Variants in DIAPH3 observed in about 807,000 individuals in gnomAD.
DIAPH3 encodes protein diaphanous homolog 3.
A neutral mutation model predicts 144.3 loss-of-function variants in DIAPH3; 117 were observed. The observed-to-expected ratio is 0.81, with a 90% CI of 0.70 to 0.95. The LOEUF is 0.95. Among genes scored for constraint, DIAPH3 ranks in the 40% least tolerant of loss-of-function variants. The pLI is 0.00. For missense variants in DIAPH3, 1,421 were observed against 1,412.7 expected, an observed-to-expected ratio of 1.01 and a Z score of -0.09; for synonymous variants, 519 against 488.9, an observed-to-expected ratio of 1.06 and a Z score of -0.81.
intron 20 of DIAPH3, among the ~76,000 whole-genome samples, chr13:59,889,751 A>G (rs920529342): frequency 1.3e-5 from 2 of 152,008 alleles, no homozygotes; most frequent in African/African-American, 4.8e-5. Flanking sequence ...TTCTTATTTG[A>G]GCAGTCAAAT....
chr13:60,110,637 T>C (rs1352427786), intron 3 of DIAPH3, among the ~76,000 whole-genome samples: 1 of 152,108 alleles, frequency 6.6e-6, no homozygotes, highest in African/African-American at 2.4e-5. Flanking sequence ...AAAAAGGGCT[T>C]AGTTGTAATT....
intron 25 of DIAPH3, among the ~76,000 whole-genome samples, chr13:59,776,056 T>A (rs1593820075): frequency 6.6e-6 from 1 of 152,244 alleles, no homozygotes; most frequent in African/African-American, 2.4e-5. Flanking sequence ...TGAAATTGTA[T>A]GGCTGGTATA....
intron 27 of DIAPH3, among the ~76,000 whole-genome samples, chr13:59,703,538 C>T (rs762009557): frequency 2.6e-5 from 4 of 152,098 alleles, no homozygotes; most frequent in Non-Finnish European, 5.9e-5. Context: ...GCTATTTTAT[C>T]CAGCACTAAA....
intron 4 of DIAPH3, among the ~76,000 whole-genome samples, chr13:60,043,505 C>G (rs960837063): frequency 2.0e-5 from 3 of 152,126 alleles, no homozygotes; most frequent in Non-Finnish European, 2.9e-5. Context: ...ACATAACACA[C>G]ACGTACACAT....
At chr13:59,966,261 C>T (rs1299649724) in intron 17 of DIAPH3, among the ~76,000 whole-genome samples, 2 of 151,002 alleles carry the variant, frequency 1.3e-5, no homozygotes, top group Non-Finnish European at 1.5e-5. Flanking sequence ...TAGGTAAGAT[C>T]TAATTGGAAA....
intron 17 of DIAPH3, among the ~76,000 whole-genome samples, chr13:59,937,419 T>C (rs2048319854): frequency 1.3e-5 from 2 of 152,196 alleles, no homozygotes; most frequent in Non-Finnish European, 2.9e-5. Flanking sequence ...TCAGGATCTC[T>C]AGCATGGTGT....
intron 4 of DIAPH3, among the ~76,000 whole-genome samples, chr13:60,056,787 G>A (rs2056576339): frequency 6.6e-6 from 1 of 151,854 alleles, no homozygotes; most frequent in Admixed American, 6.6e-5. Context: ...CTATCTGGGG[G>A]AGTGGGAAGA....
intron 27 of DIAPH3, among the ~76,000 whole-genome samples, chr13:59,751,836 A>T (rs1438082578): frequency 6.6e-6 from 1 of 152,244 alleles, no homozygotes; most frequent in Non-Finnish European, 1.5e-5. Flanking sequence ...ATCAAATGAC[A>T]TAAAAATGGG....
At chr13:59,676,856 T>A (rs1286042639) in intron 27 of DIAPH3, among the ~76,000 whole-genome samples, 1 of 152,192 alleles carries the variant, frequency 6.6e-6, no homozygotes, top group Admixed American at 6.5e-5. Flanking sequence ...GGGATACATT[T>A]GTGTTTATAA....
At chr13:60,009,661 G>A (rs78331946) in intron 8 of DIAPH3, among the ~76,000 whole-genome samples, 1 of 152,150 alleles carries the variant, frequency 6.6e-6, no homozygotes, top group Non-Finnish European at 1.5e-5. Context: ...AACACTGTAG[G>A]CACACTTTGC....
At chr13:60,127,189 A>T (rs1172952865) in intron 2 of DIAPH3, among the ~76,000 whole-genome samples, 7 of 152,106 alleles carry the variant, frequency 4.6e-5, no homozygotes. Flanking sequence ...CATTAAAGGG[A>T]TAAGAAAATA....
intron 17 of DIAPH3, among the ~76,000 whole-genome samples, chr13:59,956,520 G>A (rs748537724): frequency 3.0e-4 from 45 of 152,384 alleles, no homozygotes; most frequent in Non-Finnish European, 5.6e-4. Flanking sequence ...TTCAGAGGAT[G>A]TATGGAAATG....
intron 17 of DIAPH3, among the ~76,000 whole-genome samples, chr13:59,941,000 T>C (rs573098976): frequency 1.8e-4 from 28 of 152,212 alleles, no homozygotes; most frequent in Non-Finnish European, 8.8e-5. Context: ...ATTTGTCCAA[T>C]AGCCTTGCCA....
intron 15 of DIAPH3, among the ~76,000 whole-genome samples, chr13:59,974,057 C>A (rs2050535071): frequency 6.6e-6 from 1 of 151,956 alleles, no homozygotes; most frequent in Non-Finnish European, 1.5e-5. Context: ...TGATGAATAA[C>A]AAATCTGAGA....
intron 27 of DIAPH3, among the ~76,000 whole-genome samples, chr13:59,735,882 C>A (rs2036125018): frequency 6.6e-6 from 1 of 152,056 alleles, no homozygotes; most frequent in Admixed American, 6.6e-5. Flanking sequence ...CAGATTATTT[C>A]ATCACTCAGG....
rs544434586 is a variant in DIAPH3, at chr13:59,732,986, T to C, written c.3319+41203A>G. On this transcript the variant is annotated intron_variant, in intron 27 of 27. Coordinates refer to ENST00000400324, the MANE Select transcript of DIAPH3 (RefSeq NM_001042517.2). ...TGAAATTTTTGTTTTCAATTTTTGGTAGAGGTGTGTGTGTGTATGTGTATG... is the reference window on the plus strand; with the variant it reads ...TGAAATTTTTGTTTTCAATTTTTGGCAGAGGTGTGTGTGTGTATGTGTATG... Among the ~76,000 whole-genome samples the C allele has an allele frequency of 1.1e-4, 17 of 152,260 alleles. No individual in the cohort carries two copies. The South Asian group carries it at 3.5e-3, about 32-fold the overall frequency.
intron 22 of DIAPH3, among the ~76,000 whole-genome samples, chr13:59,857,633 T>C (rs562080808): frequency 1.3e-5 from 2 of 152,276 alleles, no homozygotes; most frequent in East Asian, 3.9e-4. Flanking sequence ...CCAGGAATAA[T>C]CCCTGGTCTA....
chr13:60,099,906 GAGAA>G, intron 3 of DIAPH3, among the ~76,000 whole-genome samples: 1 of 105,574 alleles, frequency 9.5e-6, no homozygotes. Context: ...CAGAAAGTAA[GAGAA>G]GGAAGGAAGG....
At chr13:59,867,301 A>G (rs145426403) in intron 21 of DIAPH3, among the ~76,000 whole-genome samples, 6 of 151,312 alleles carry the variant, frequency 4.0e-5, no homozygotes, top group Admixed American at 2.6e-4. Flanking sequence ...GCTCTTAAAA[A>G]AAACAACAAA....
Sources: allele counts gnomAD v4.1 joint callset (sites outside exome capture counted in the v4.1 genomes callset), GRCh38; gene constraint gnomAD v4.1.1; transcripts MANE v1.5; gene names NCBI Gene and HGNC (gene_info 2026-07-23, HGNC 2026-07-21).